Variants in RALGPS2 observed in about 807,000 individuals in gnomAD.
RALGPS2 encodes Ral GEF with PH domain and SH3 binding motif 2.
In RALGPS2, 43 loss-of-function variants were observed where a neutral mutation model predicts 86.8. That is an observed-to-expected ratio of 0.50 (90% confidence interval 0.39 to 0.64). RALGPS2 has a LOEUF of 0.64. RALGPS2 is among the 30% of genes least tolerant of loss of function. The pLI, the probability that RALGPS2 is intolerant of heterozygous loss-of-function variation, is 0.00. For missense variants in RALGPS2, 536 were observed against 694.6 expected, an observed-to-expected ratio of 0.77 and a Z score of 2.57; for synonymous variants, 243 against 231.3, an observed-to-expected ratio of 1.05 and a Z score of -0.46.
chr1:178,770,809 TA>T (rs1652771573), intron 1 of RALGPS2, among the ~76,000 whole-genome samples: 1 of 150,274 alleles, frequency 6.7e-6, no homozygotes, highest in South Asian at 2.1e-4. Context: ...CTGCGTTTCT[TA>T]AAAACAAAGT....
chr1:178,782,789 T>TA (rs912732229), intron 2 of RALGPS2, among the ~76,000 whole-genome samples: 3 of 151,826 alleles, frequency 2.0e-5, no homozygotes, highest in Admixed American at 6.6e-5. Context: ...CAACAGAGGA[T>TA]AAAAAAATGA....
intron 2 of RALGPS2, among the ~76,000 whole-genome samples, chr1:178,783,238 C>T (rs745781975): frequency 2.6e-5 from 4 of 151,950 alleles, no homozygotes; most frequent in African/African-American, 4.8e-5. Flanking sequence ...TAACCAGTAC[C>T]AGTAGACTGG....
At chr1:178,827,356 T>TCCA (rs1655793244) in intron 7 of RALGPS2, among the ~76,000 whole-genome samples, 1 of 151,740 alleles carries the variant, frequency 6.6e-6, no homozygotes, top group Admixed American at 6.6e-5. Flanking sequence ...AAAGCAATCT[T>TCCA]GAGCAACAAC....
intron 9 of RALGPS2, among the ~76,000 whole-genome samples, 168 bp downstream of exon 9, chr1:178,877,803 A>G (rs1659063949): frequency 6.6e-6 from 1 of 152,112 alleles, no homozygotes; most frequent in Non-Finnish European, 1.5e-5. Flanking sequence ...ACTATGTAGC[A>G]TCCTGTTTAA....
chr1:178,747,760 C>T, intron 1 of RALGPS2: 1 of 964,140 alleles, frequency 1.0e-6, no homozygotes. Flanking sequence ...GGCATGGCAG[C>T]AGGAGCGAGC....
chr1:178,782,095 C>T (rs1305609784), intron 2 of RALGPS2, among the ~76,000 whole-genome samples: 1 of 152,152 alleles, frequency 6.6e-6, no homozygotes, highest in Non-Finnish European at 1.5e-5. Flanking sequence ...TAACAGAGCA[C>T]ATTTAACAGT....
At position 178,851,266 on chromosome 1, in the gene RALGPS2, G is replaced by A. The variant is rs750154177; in HGVS notation, c.607+17716G>A. On this transcript the variant is annotated intron_variant, in intron 8 of 19. Coordinates refer to ENST00000367635, the MANE Select transcript of RALGPS2 (RefSeq NM_152663.5). ...TACCATACTCCATTTAGGTTAGAAT[G>A]TGCACAGGCATTGTACCACCAGCCT... The A allele has an allele frequency of 5.0e-6, 8 of 1,613,648 alleles. No individual in the cohort carries two copies. The Admixed American group carries it at 1.3e-4, about 27-fold the overall frequency.
At chr1:178,793,448 C>T (rs1303923288) in intron 4 of RALGPS2, among the ~76,000 whole-genome samples, 2 of 149,328 alleles carry the variant, frequency 1.3e-5, no homozygotes, top group African/African-American at 2.5e-5. Context: ...CAGTGTTGCC[C>T]AGACTGGTCT....
At chr1:178,818,622 T>A (rs1200175138) in intron 6 of RALGPS2, among the ~76,000 whole-genome samples, 1 of 144,046 alleles carries the variant, frequency 6.9e-6, no homozygotes, top group East Asian at 1.9e-4. Context: ...TAGGAGTGAA[T>A]CAGTGGACAC....
chr1:178,731,306 CAG>C (rs1650345301), intron 1 of RALGPS2, among the ~76,000 whole-genome samples: 1 of 60,372 alleles, frequency 1.7e-5, no homozygotes, highest in Non-Finnish European at 3.0e-5. Context: ...TTTTTTGAGA[CAG>C]AGTCTCCTCT....
At chr1:178,756,078 A>C (rs998570425) in intron 1 of RALGPS2, among the ~76,000 whole-genome samples, 4 of 152,262 alleles carry the variant, frequency 2.6e-5, no homozygotes, top group Middle Eastern at 3.4e-3. Context: ...GACCTTTGTC[A>C]GATGCATAGT....
At chr1:178,861,317 C>T (rs1657994329) in intron 8 of RALGPS2, among the ~76,000 whole-genome samples, 1 of 152,036 alleles carries the variant, frequency 6.6e-6, no homozygotes, top group South Asian at 2.1e-4. Context: ...AAGTTATCTG[C>T]CCTTAATTTT....
chr1:178,834,276 G>A (rs1287633708), intron 8 of RALGPS2, among the ~76,000 whole-genome samples: 1 of 152,116 alleles, frequency 6.6e-6, no homozygotes, highest in Non-Finnish European at 1.5e-5. Flanking sequence ...ATCCTATGTA[G>A]AGAGTAATCA....
intron 8 of RALGPS2, among the ~76,000 whole-genome samples, chr1:178,872,907 A>G (rs763218532): frequency 7.4e-4 from 112 of 152,334 alleles, no homozygotes; most frequent in Middle Eastern, 3.4e-3. Flanking sequence ...ATTAGGTAGT[A>G]GCTAAAGCTA....
intron 8 of RALGPS2, among the ~76,000 whole-genome samples, chr1:178,846,549 C>T (rs1413310314): frequency 6.6e-6 from 1 of 151,984 alleles, no homozygotes; most frequent in Admixed American, 6.6e-5. Flanking sequence ...ATTTAAAATT[C>T]CTCTAAATTC....
intron 8 of RALGPS2, among the ~76,000 whole-genome samples, chr1:178,849,005 C>T (rs1002871475): frequency 2.0e-5 from 3 of 152,128 alleles, no homozygotes; most frequent in Non-Finnish European, 1.5e-5. Flanking sequence ...GCAGAAAGTA[C>T]GTAGATGAGT....
chr1:178,803,584 A>G (rs1264765917), intron 4 of RALGPS2, among the ~76,000 whole-genome samples: 1 of 151,770 alleles, frequency 6.6e-6, no homozygotes, highest in Non-Finnish European at 1.5e-5. Flanking sequence ...TATAATTTTT[A>G]CTACTAAATG....
chr1:178,793,656 C>A (rs1263234276), intron 4 of RALGPS2, among the ~76,000 whole-genome samples: 6 of 152,178 alleles, frequency 3.9e-5, no homozygotes, highest in Admixed American at 3.3e-4. Context: ...AATCTTTGTT[C>A]CATTCACTGG....
chr1:178,898,189 G>A (rs917980465), intron 17 of RALGPS2, among the ~76,000 whole-genome samples: 4 of 151,956 alleles, frequency 2.6e-5, no homozygotes, highest in African/African-American at 4.8e-5. Context: ...CTTAAAAGAA[G>A]CCTCTTTTCA....
Sources: gnomAD v4.1 joint callset for allele counts (sites outside exome capture counted in the v4.1 genomes callset) on GRCh38, gnomAD v4.1.1 for gene constraint, MANE v1.5 for transcripts, NCBI Gene and HGNC (gene_info 2026-07-23, HGNC 2026-07-21) for gene names.